TMIGD1: variants seen among roughly 807,000 people sequenced by gnomAD.
TMIGD1 encodes the protein transmembrane and immunoglobulin domain containing 1.
Under a neutral mutation model 27.5 loss-of-function variants are expected in TMIGD1, and 29 were observed. The observed-to-expected ratio is 1.05, with a 90% confidence interval of 0.78 to 1.44. The LOEUF is 1.44. Among genes scored for constraint, TMIGD1 ranks in the 40% most tolerant of loss-of-function variants. The pLI is 0.00. For synonymous variants in TMIGD1, 109 were observed against 110.3 expected, an observed-to-expected ratio of 0.99 and a Z score of 0.07; for missense variants, 334 against 310.6, an observed-to-expected ratio of 1.08 and a Z score of -0.57.
chr17:30,316,692 T>C lies in TMIGD1; in HGVS notation c.786-2A>G, dbSNP rs1909424605. ...TCGATGGCATCTCAGCTTTCTCATCTGAAATGAATGAAGAAATTAATAATA... is the reference window on the plus strand; with the variant it reads ...TCGATGGCATCTCAGCTTTCTCATCCGAAATGAATGAAGAAATTAATAATA... On this transcript the variant is annotated splice_acceptor_variant, in intron 6 of 6. Transcript: ENST00000328886. LOFTEE classifies it high-confidence loss of function. 6.2e-7 allele frequency: 1 copy of C among 1,612,858 alleles called. No individual in the cohort carries two copies. The highest frequency in any genetic ancestry group is 1.7e-5 in the Admixed American group (1 of 59,898).
rs181218913 is a variant in TMIGD1, at chr17:30,317,476, C to A, written c.745-243G>T. On this transcript the variant is annotated intron_variant, in intron 5 of 6. Transcript: ENST00000328886. ...TTACTTTTTTATAGAAAAAAAAATG[C>A]GGCCGAGTGCAGTGGCTCACACCTG... Among the ~76,000 whole-genome samples, 18 of 152,020 alleles carry A rather than the reference C, an allele frequency of 1.2e-4. No individual in the cohort carries two copies. The East Asian group carries it at 3.3e-3, about 28-fold the overall frequency.
intron 5 of TMIGD1, among the ~76,000 whole-genome samples, chr17:30,318,075 T>TA (rs1166628486): frequency 1.3e-5 from 2 of 149,186 alleles, no homozygotes; most frequent in Non-Finnish European, 3.0e-5. Flanking sequence ...CTCAAAAAAA[T>TA]AAAAAAAGAA....
At chr17:30,326,829 G>A (rs1909797489) in intron 3 of TMIGD1, among the ~76,000 whole-genome samples, 1 of 152,064 alleles carries the variant, frequency 6.6e-6, no homozygotes, top group African/African-American at 2.4e-5. Context: ...TAAACTTTCA[G>A]CAACGAGGTA....
intron 2 of TMIGD1, among the ~76,000 whole-genome samples, chr17:30,329,851 G>A (rs560464091): frequency 2.6e-5 from 4 of 151,916 alleles, no homozygotes; most frequent in Admixed American, 1.3e-4. Context: ...CGGGAGGATC[G>A]CTTGAGCTCA....
intron 1 of TMIGD1, among the ~76,000 whole-genome samples, 173 bp downstream of exon 1, chr17:30,333,827 A>G (rs1243558092): frequency 6.6e-6 from 1 of 152,112 alleles, no homozygotes; most frequent in Non-Finnish European, 1.5e-5. Flanking sequence ...AAAAACTGAG[A>G]GTGCAGGCTT....
chr17:30,330,122 C>T (rs1251105246), intron 2 of TMIGD1, among the ~76,000 whole-genome samples: 1 of 152,020 alleles, frequency 6.6e-6, no homozygotes. Flanking sequence ...CATCCCCAGA[C>T]ATCTGATTAG....
At chr17:30,329,088 G>A (rs952272585) in intron 3 of TMIGD1, among the ~76,000 whole-genome samples, 163 bp downstream of exon 3, 5 of 152,036 alleles carry the variant, frequency 3.3e-5, no homozygotes, top group Admixed American at 6.6e-5. Context: ...AGAGTTTGGC[G>A]ATACTCAGTG....
intron 4 of TMIGD1, among the ~76,000 whole-genome samples, chr17:30,322,754 C>T (rs750262209): frequency 1.4e-4 from 21 of 152,344 alleles, no homozygotes; most frequent in South Asian, 4.1e-4. Flanking sequence ...CCCGCCTCGG[C>T]CTCCCAAAAT....
chr17:30,333,428 G>A (rs1354922493), intron 1 of TMIGD1, among the ~76,000 whole-genome samples: 1 of 151,932 alleles, frequency 6.6e-6, no homozygotes, highest in Non-Finnish European at 1.5e-5. Context: ...GCGACAGAGT[G>A]AGGCTCGGTC....
At chr17:30,317,744 A>G (rs1021469774) in intron 5 of TMIGD1, among the ~76,000 whole-genome samples, 1 of 149,948 alleles carries the variant, frequency 6.7e-6, no homozygotes. Context: ...AGGGTGACAG[A>G]GCAAGAATCC....
chr17:30,326,252 ATTTC>A (rs1205867017), intron 3 of TMIGD1, among the ~76,000 whole-genome samples: 3 of 152,134 alleles, frequency 2.0e-5, no homozygotes, highest in Non-Finnish European at 4.4e-5. Context: ...TCTGTTAGTG[ATTTC>A]TTTCTATTTA....
intron 4 of TMIGD1, among the ~76,000 whole-genome samples, chr17:30,323,763 A>T (rs1597682169): frequency 6.6e-6 from 1 of 151,654 alleles, no homozygotes; most frequent in African/African-American, 2.4e-5. Context: ...GAGGTAAATA[A>T]CCACAAAGCT....
chr17:30,326,293 C>A (rs1459748099), intron 3 of TMIGD1, among the ~76,000 whole-genome samples: 1 of 152,124 alleles, frequency 6.6e-6, no homozygotes, highest in Non-Finnish European at 1.5e-5. Flanking sequence ...TTAAGCATAT[C>A]AGTATATGTG....
At chr17:30,318,087 GA>G (rs1909479485) in intron 5 of TMIGD1, among the ~76,000 whole-genome samples, 1 of 151,856 alleles carries the variant, frequency 6.6e-6, no homozygotes, top group East Asian at 1.9e-4. Flanking sequence ...AAAAAAGAAA[GA>G]AAGGAAGACA....
intron 6 of TMIGD1, 77 bp downstream of exon 6, chr17:30,317,116 G>A: frequency 6.7e-7 from 1 of 1,500,958 alleles, no homozygotes. Context: ...CATCTCTGGA[G>A]TTTGTCTAGA....
intron 4 of TMIGD1, 78 bp from the exon 5 acceptor site, chr17:30,318,991 C>T: frequency 2.0e-6 from 2 of 995,432 alleles, no homozygotes; most frequent in Non-Finnish European, 3.2e-6. Flanking sequence ...GTGCCTTGAA[C>T]TTTATGTGTG....
rs368184187 is a variant in TMIGD1 at position 30,332,043 on chromosome 17, T to G, written c.82+9A>C. 92 of 1,599,866 alleles carry G rather than the reference T, an allele frequency of 5.8e-5. No homozygotes were observed. Among genetic ancestry groups the G allele is most frequent in the Non-Finnish European group, 7.5e-5 (88 of 1,171,172 alleles). On this transcript the variant is annotated intron_variant, in intron 2 of 6. Transcript: ENST00000328886. The stretch of plus-strand genomic sequence containing the variant: ...ATCTAAAAAGAGGCCAAAAAGAACT[T>G]TAACTTACTTGTCATCTCACGTGGC...
chr17:30,331,879 G>T (rs1257183282), intron 2 of TMIGD1, among the ~76,000 whole-genome samples, 173 bp downstream of exon 2: 5 of 152,102 alleles, frequency 3.3e-5, no homozygotes, highest in African/African-American at 9.7e-5. Context: ...TGAGCCACCC[G>T]CCTGGCCTCC....
chr17:30,329,112 G>A (rs1367793124), intron 3 of TMIGD1, 139 bp downstream of exon 3: 16 of 936,974 alleles, frequency 1.7e-5, no homozygotes, highest in South Asian at 3.5e-5. Flanking sequence ...ATGAGGGTGA[G>A]GGGAAATAGG....
Sources: gnomAD v4.1 joint callset for allele counts (sites outside exome capture counted in the v4.1 genomes callset) on GRCh38, gnomAD v4.1.1 for gene constraint, MANE v1.5 for transcripts, NCBI Gene and HGNC (gene_info 2026-07-23, HGNC 2026-07-21) for gene names.